CCDC102B: variants seen among roughly 807,000 people sequenced by gnomAD.
CCDC102B encodes coiled-coil domain containing 102B.
In CCDC102B, 75 loss-of-function variants were observed where a neutral mutation model predicts 57.4. The ratio of observed to expected loss-of-function variants is 1.31; its 90% CI spans 1.08 to 1.58. The LOEUF (loss-of-function observed/expected upper bound fraction) is 1.58. Among genes scored for constraint, CCDC102B ranks in the 40% most tolerant of loss-of-function variants. The pLI is 0.00. For synonymous variants in CCDC102B, 206 were observed against 201.9 expected, an observed-to-expected ratio of 1.02 and a Z score of -0.17; for missense variants, 636 against 582.6, an observed-to-expected ratio of 1.09 and a Z score of -0.94.
At chr18:68,826,123 G>C (rs935179822) in intron 1 of CCDC102B, among the ~76,000 whole-genome samples, 8 of 152,150 alleles carry the variant, frequency 5.3e-5, no homozygotes, top group African/African-American at 1.9e-4. Flanking sequence ...AATAAATTTA[G>C]TGTTCTAAGA....
intron 2 of CCDC102B, among the ~76,000 whole-genome samples, chr18:68,780,735 C>T (rs574697541): frequency 8.5e-5 from 13 of 152,144 alleles, no homozygotes; most frequent in African/African-American, 2.4e-4. Context: ...TTTCTGGGCC[C>T]TACTCTACCA....
chr18:68,885,935 A>G (rs1213559835), intron 5 of CCDC102B, among the ~76,000 whole-genome samples: 2 of 152,066 alleles, frequency 1.3e-5, no homozygotes, highest in Non-Finnish European at 2.9e-5. Context: ...GTTCCAGATT[A>G]GTAACTGCAT....
intron 2 of CCDC102B, among the ~76,000 whole-genome samples, chr18:68,722,236 C>A (rs772276616): frequency 2.0e-5 from 3 of 152,168 alleles, no homozygotes; most frequent in Non-Finnish European, 4.4e-5. Flanking sequence ...AGAAATCCAT[C>A]CTGACTGGAA....
chr18:68,849,114 C>T (rs1443423644), intron 4 of CCDC102B, among the ~76,000 whole-genome samples: 2 of 151,956 alleles, frequency 1.3e-5, no homozygotes, highest in African/African-American at 2.4e-5. Flanking sequence ...TTATGGCTTA[C>T]ATTGAAGCCT....
chr18:69,053,085 A>G (rs1171786975), intron 7 of CCDC102B, among the ~76,000 whole-genome samples: 1 of 151,870 alleles, frequency 6.6e-6, no homozygotes, highest in East Asian at 1.9e-4. Flanking sequence ...TGTTCAGAGC[A>G]TCACAGGGCT....
chr18:68,889,927 G>C (rs1834751192), intron 5 of CCDC102B, among the ~76,000 whole-genome samples: 1 of 152,048 alleles, frequency 6.6e-6, no homozygotes, highest in African/African-American at 2.4e-5. Flanking sequence ...TTGCTTTCAG[G>C]CATGCATGTG....
At chr18:69,029,945 G>A (rs1306140248) in intron 7 of CCDC102B, among the ~76,000 whole-genome samples, 4 of 152,142 alleles carry the variant, frequency 2.6e-5, no homozygotes, top group Non-Finnish European at 5.9e-5. Context: ...TCAGCACTGA[G>A]TTTCCTTTGA....
chr18:68,727,602 C>T (rs1320376180), intron 2 of CCDC102B, among the ~76,000 whole-genome samples: 2 of 152,212 alleles, frequency 1.3e-5, no homozygotes, highest in Non-Finnish European at 2.9e-5. Context: ...GAAAAGCCAT[C>T]TGAAGACTTG....
chr18:68,965,306 GA>G (rs1441972830), intron 6 of CCDC102B, among the ~76,000 whole-genome samples: 3 of 144,566 alleles, frequency 2.1e-5, no homozygotes, highest in African/African-American at 5.3e-5. Flanking sequence ...CTTCAAGTGA[GA>G]TTTTTTTTTT....
intron 6 of CCDC102B, among the ~76,000 whole-genome samples, chr18:68,926,608 T>C (rs1159975697): frequency 1.3e-5 from 2 of 151,940 alleles, no homozygotes. Context: ...TTCACGTATA[T>C]TAAAAGTCAT....
chr18:68,838,973 C>T, intron 3 of CCDC102B, 47 bp downstream of exon 3: 1 of 1,454,646 alleles, frequency 6.9e-7, no homozygotes, highest in Non-Finnish European at 9.6e-7. Context: ...AGTTTCAAAT[C>T]ACTTAAAATT....
intron 2 of CCDC102B, among the ~76,000 whole-genome samples, chr18:68,791,640 A>G (rs1241085412): frequency 1.7e-5 from 1 of 59,900 alleles, no homozygotes; most frequent in Non-Finnish European, 4.9e-5. Flanking sequence ...GTGTGTGTGT[A>G]TGTGAGAAAG....
Position 68,780,980 on chromosome 18 carries a change from A to G in CCDC102B, c.-66-42386A>G, listed in dbSNP as rs148659887. On this transcript the variant is annotated intron_variant, in intron 2 of 3. Transcript: ENST00000578970. ...AAACTCTGATGGAAAAAACACTATC[A>G]TATCTCTGAAAGTTTTAGGGATACA... Among the ~76,000 whole-genome samples the G allele has an allele frequency of 9.8e-3, 1,492 of 152,246 alleles. 18 individuals are homozygous for G. Among genetic ancestry groups the G allele is most frequent in the Non-Finnish European group, 0.017 (1,136 of 67,994 alleles).
intron 1 of CCDC102B, among the ~76,000 whole-genome samples, chr18:68,836,438 G>A (rs2037368820): frequency 6.6e-6 from 1 of 152,050 alleles, no homozygotes; most frequent in South Asian, 2.1e-4. Flanking sequence ...GACCATCCTG[G>A]CCAACATGGT....
intron 2 of CCDC102B, among the ~76,000 whole-genome samples, chr18:68,732,959 A>G (rs1053597445): frequency 6.6e-5 from 10 of 152,038 alleles, no homozygotes; most frequent in Admixed American, 5.2e-4. Context: ...GACAAAATAA[A>G]GACATCCAAT....
At chr18:68,734,410 A>G (rs1219185055) in intron 2 of CCDC102B, among the ~76,000 whole-genome samples, 1 of 152,208 alleles carries the variant, frequency 6.6e-6, no homozygotes, top group South Asian at 2.1e-4. Flanking sequence ...TCCAGACTGT[A>G]TTTTGTCATC....
intron 2 of CCDC102B, among the ~76,000 whole-genome samples, chr18:68,767,938 TTA>T (rs1418981392): frequency 2.0e-5 from 3 of 151,908 alleles, no homozygotes; most frequent in Admixed American, 1.3e-4. Flanking sequence ...ATGATTATAC[TTA>T]TATATAGTTT....
At chr18:68,730,364 A>T (rs190421171) in intron 2 of CCDC102B, among the ~76,000 whole-genome samples, 1 of 152,310 alleles carries the variant, frequency 6.6e-6, no homozygotes. Flanking sequence ...GTACTAACCC[A>T]ATTATGAAAG....
At chr18:68,914,886 T>C (rs1424643672) in intron 6 of CCDC102B, among the ~76,000 whole-genome samples, 2 of 152,154 alleles carry the variant, frequency 1.3e-5, no homozygotes, top group African/African-American at 4.8e-5. Context: ...TTGTTATACA[T>C]TGTTTCACAT....
Sources: allele counts gnomAD v4.1 joint callset (sites outside exome capture counted in the v4.1 genomes callset), GRCh38; gene constraint gnomAD v4.1.1; transcripts MANE v1.5; gene names NCBI Gene and HGNC (gene_info 2026-07-23, HGNC 2026-07-21).